TRIM46: variants seen among roughly 807,000 people sequenced by gnomAD.
TRIM46 encodes the protein tripartite motif containing 46.
In TRIM46, 17 loss-of-function variants were observed where a neutral mutation model predicts 69.7. The ratio of observed to expected loss-of-function variants is 0.24; its 90% CI spans 0.17 to 0.37. The LOEUF is 0.37. TRIM46 is among the 10% of genes least tolerant of loss of function. TRIM46 has a pLI of 1.00. For synonymous variants in TRIM46, 391 were observed against 429.0 expected (o/e 0.91, Z 1.09); for missense variants, 675 against 1,025.1 (o/e 0.66, Z 4.66).
rs779222428 is a variant in TRIM46, at chr1:155,174,585, C to T, written c.63+556C>T. On this transcript the variant is annotated intron_variant, in intron 1 of 9. Transcript: ENST00000334634. ...ACTTCCTCCCCCCCTCCTTGTTCCT[C>T]CCTCCTTTGTGTCAGCTGCGCCCCT... 3.3e-6 allele frequency: 5 copies of T among 1,524,790 alleles called. No individual in the cohort carries two copies. In the South Asian group the frequency reaches 6.1e-5, roughly 19 times the overall value. 94.5% of individuals were successfully genotyped at this position (1,524,790 alleles called of 1,614,324 possible). A position where few individuals can be genotyped will look rare whatever the true frequency, so the allele number is the denominator to read the frequency against.
chr1:155,174,102 G>A, intron 1 of TRIM46, 73 bp downstream of exon 1: 2 of 1,488,342 alleles, frequency 1.3e-6, no homozygotes, highest in South Asian at 1.2e-5. Flanking sequence ...CCTGGAACAG[G>A]TGGGGATCCA....
At position 155,181,856 on chromosome 1, in the gene TRIM46, G is replaced by T; in HGVS notation, c.1593G>T (p.Leu531=). The T allele has an allele frequency of 6.2e-7, 1 of 1,610,134 alleles. No homozygotes were observed. Among genetic ancestry groups the T allele is most frequent in the East Asian group, 2.2e-5 (1 of 44,802 alleles). ...VHLHTPPAPV[L]HFFLDSRWGA... The stretch of plus-strand genomic sequence containing the variant: ...CAACCCTCTCCCTCCTTCCAGTCCT[G>T]CACTTCTTCCTCGATAGCCGCTGGG... Residue 531 remains leucine, a synonymous_variant, in exon 9 of 10, where the codon CTG becomes CTT. Transcript: ENST00000334634. The surrounding 1 kb of genome is among the most constrained non-coding windows in gnomAD (Gnocchi z 4.3).
chr1:155,175,754 T>G lies in TRIM46; in HGVS notation c.325+107T>G. Reference sequence around the variant, plus strand: ...GGCATCTGTCTGTCTTTCTGGGGGGTGGAGATACTGCTTACGCAGGCTCTA... The same window carrying G: ...GGCATCTGTCTGTCTTTCTGGGGGGGGGAGATACTGCTTACGCAGGCTCTA... On this transcript the variant is annotated intron_variant, in intron 2 of 9. Coordinates refer to ENST00000334634, the MANE Select transcript of TRIM46 (RefSeq NM_025058.5). The surrounding 1 kb of genome is among the most constrained non-coding windows in gnomAD (Gnocchi z 4.2). 6.3e-7 allele frequency: 1 copy of G among 1,589,792 alleles called. No individual in the cohort carries two copies. Among genetic ancestry groups the G allele is most frequent in the Non-Finnish European group, 8.6e-7 (1 of 1,162,908 alleles).
chr1:155,178,360 G>A (rs1389091755), intron 6 of TRIM46, 105 bp downstream of exon 6: 6 of 1,562,332 alleles, frequency 3.8e-6, no homozygotes, highest in Non-Finnish European at 3.5e-6. Flanking sequence ...GCATTCTAAG[G>A]ATTCTCATGA....
chr1:155,174,894 G>GGAGCTGCA (rs1665509437), intron 1 of TRIM46: 4 of 1,408,390 alleles, frequency 2.8e-6, no homozygotes, highest in Non-Finnish European at 3.7e-6. Context: ...GCCGCAGGCC[G>GGAGCTGCA]GAGCTGCGGC....
chr1:155,178,354 T>C, intron 6 of TRIM46, 99 bp downstream of exon 6: 1 of 1,560,280 alleles, frequency 6.4e-7, no homozygotes, highest in African/African-American at 1.4e-5. Context: ...GAACTGGCAT[T>C]CTAAGGATTC....
At position 155,175,251 on chromosome 1, in the gene TRIM46, A is replaced by T; in HGVS notation, c.64-135A>T. 1 of 1,532,766 alleles carries T rather than the reference A, an allele frequency of 6.5e-7. No homozygotes were observed. The highest frequency in any genetic ancestry group is 8.7e-7 in the Non-Finnish European group (1 of 1,150,416). 94.9% of individuals were successfully genotyped at this position (1,532,766 alleles called of 1,614,324 possible). A position where few individuals can be genotyped will look rare whatever the true frequency, so the allele number is the denominator to read the frequency against. Reference sequence around the variant, plus strand: ...GAAGGTCTGTGAACCAGCCCAAGGCAGGTGCTCTGGAAAAGCTGCAGGTAG... The same window carrying T: ...GAAGGTCTGTGAACCAGCCCAAGGCTGGTGCTCTGGAAAAGCTGCAGGTAG... On this transcript the variant is annotated intron_variant, in intron 1 of 9. Coordinates refer to ENST00000334634, the MANE Select transcript of TRIM46 (RefSeq NM_025058.5). This position sits in a 1 kb window ranked among gnomAD's most constrained non-coding sequence, Gnocchi z 4.2.
chr1:155,180,456 G>A (rs936523011), intron 8 of TRIM46: 17 of 431,206 alleles, frequency 3.9e-5, no homozygotes, highest in Admixed American at 1.1e-4. Context: ...TTAGCCAGGC[G>A]TGGTGGTGCG....
At chr1:155,182,345 C>G (rs990311563) in intron 9 of TRIM46, 196 bp downstream of exon 9, 1 of 623,292 alleles carries the variant, frequency 1.6e-6, no homozygotes, top group African/African-American at 1.8e-5. Context: ...CTTTTGAGGA[C>G]TGATTTTCAG....
chr1:155,174,673 A>AC lies in TRIM46; in HGVS notation c.63+649dup, dbSNP rs1455089591. On this transcript the variant is annotated intron_variant, in intron 1 of 9. Coordinates refer to ENST00000334634, the MANE Select transcript of TRIM46 (RefSeq NM_025058.5). ...TGTGGGGGTGGGGCATAGCCTGAGG[A>AC]CCCCCACTCTCGCCACCAAGAGGGG... The AC allele has an allele frequency of 8.2e-6, 12 of 1,459,090 alleles. No homozygotes were observed. The African/African-American group carries it at 1.2e-4, about 14-fold the overall frequency. The allele number at this position is 1,459,090 out of a possible 1,614,324, so 90.4% of individuals were successfully genotyped here. A position where few individuals can be genotyped will look rare whatever the true frequency, so the allele number is the denominator to read the frequency against.
intron 9 of TRIM46, 166 bp downstream of exon 9, chr1:155,182,315 G>A (rs1165927715): frequency 7.9e-6 from 6 of 757,274 alleles, no homozygotes; most frequent in South Asian, 3.7e-5. Flanking sequence ...TCCAGGAGAC[G>A]CATGGGCTCA....
rs1293490885 is a variant in TRIM46 at position 155,175,370 on chromosome 1, C to T, written c.64-16C>T. 1 of 1,613,264 alleles carries T rather than the reference C, an allele frequency of 6.2e-7. No individual in the cohort carries two copies. Among genetic ancestry groups the T allele is most frequent in the African/African-American group, 1.3e-5 (1 of 74,992 alleles). ...AAGTGTCCAAGCGCTGACCTAGCCT[C>T]CTGGTCCCTCCACAGACCAGCATGA... On this transcript the variant is annotated splice_polypyrimidine_tract_variant and intron_variant, in intron 1 of 9. Coordinates refer to ENST00000334634, the MANE Select transcript of TRIM46 (RefSeq NM_025058.5). The surrounding 1 kb of genome is among the most constrained non-coding windows in gnomAD (Gnocchi z 4.2).
intron 7 of TRIM46, chr1:155,178,862 T>G: frequency 2.1e-6 from 3 of 1,419,696 alleles, no homozygotes; most frequent in East Asian, 3.2e-5. Flanking sequence ...TCAGCGGCCC[T>G]GCCCCGGGGG....
rs781014187 is a variant in TRIM46, at chr1:155,175,800, C to G, written c.326-88C>G. On this transcript the variant is annotated intron_variant, in intron 2 of 9. Coordinates refer to ENST00000334634, the MANE Select transcript of TRIM46 (RefSeq NM_025058.5). The surrounding 1 kb of genome is among the most constrained non-coding windows in gnomAD (Gnocchi z 4.2). ...CTCTAATGAGAGCTGAGCTCTGGCA[C>G]AATGAAAATCTAATTTAATTAAACA... 1 of 1,567,880 alleles carries G rather than the reference C, an allele frequency of 6.4e-7. No homozygotes were observed. Among genetic ancestry groups the G allele is most frequent in the African/African-American group, 1.4e-5 (1 of 72,710 alleles).
chr1:155,178,739 T>TTGGCCCCCCCCCCCCCCCCCCCC, intron 7 of TRIM46, 126 bp downstream of exon 7: 82 of 1,348,420 alleles, frequency 6.1e-5, no homozygotes, highest in Non-Finnish European at 7.6e-5. Context: ...CAGCCATTCC[T>TTGGCCCCCCCCCCCCCCCCCCCC]CCCACCCAGC....
intron 3 of TRIM46, 88 bp from the exon 4 acceptor site, chr1:155,176,844 G>C: frequency 6.6e-7 from 1 of 1,520,408 alleles, no homozygotes; most frequent in Admixed American, 1.7e-5. Context: ...TCTTGCCAGT[G>C]GAGGAGGGCA....
Position 155,173,924 on chromosome 1 carries a change from A to C in TRIM46, c.-43A>C. 6.4e-7 allele frequency: 1 copy of C among 1,556,482 alleles called. No homozygotes were observed. The highest frequency in any genetic ancestry group is 8.7e-7 in the Non-Finnish European group (1 of 1,150,182). The stretch of plus-strand genomic sequence containing the variant: ...CATTAAGCCCGGGGTTCGCAGCCGC[A>C]GCCGGGATCGGGCACCCAGGGGCGG... On this transcript the variant is annotated 5_prime_UTR_variant, in exon 1 of 10. Coordinates refer to ENST00000334634, the MANE Select transcript of TRIM46 (RefSeq NM_025058.5).
chr1:155,181,725 C>A lies in TRIM46; in HGVS notation c.1589-127C>A. On this transcript the variant is annotated intron_variant, in intron 8 of 9. Transcript: ENST00000334634. The surrounding 1 kb of genome is among the most constrained non-coding windows in gnomAD (Gnocchi z 4.3). Reference sequence around the variant, plus strand: ...GTTTCCCATGTCCTGTTCTCCTGAACCCCCTGCCTGTTCCTGGTGACTGAA... The same window carrying A: ...GTTTCCCATGTCCTGTTCTCCTGAAACCCCTGCCTGTTCCTGGTGACTGAA... 1 of 1,020,636 alleles carries A rather than the reference C, an allele frequency of 9.8e-7. No homozygotes were observed. The highest frequency in any genetic ancestry group is 1.4e-6 in the Non-Finnish European group (1 of 696,820). The allele number at this position is 1,020,636 out of a possible 1,614,324, so 63.2% of individuals were successfully genotyped here.
At position 155,175,400 on chromosome 1, in the gene TRIM46, C is replaced by A; in HGVS notation, c.78C>A (p.Asn26Lys). 6.2e-7 allele frequency: 1 copy of A among 1,614,030 alleles called. No homozygotes were observed. Among genetic ancestry groups the A allele is most frequent in the Non-Finnish European group, 8.5e-7 (1 of 1,179,946 alleles). ...ALVRISTSMKNMEKELLCPVC... is the reference protein window; with the variant it reads ...ALVRISTSMKKMEKELLCPVC... ...TCCCTCCACAGACCAGCATGAAGAA[C>A]ATGGAGAAGGAACTGCTGTGCCCAG... The change falls in exon 2 of 10, where the codon AAC becomes AAA. Residue 26 changes from asparagine (N) to lysine (K), a missense_variant. Physicochemically the swap from Asn to Lys is moderately conservative, Grantham distance 94. Coordinates refer to ENST00000334634, the MANE Select transcript of TRIM46 (RefSeq NM_025058.5). The surrounding 1 kb of genome is among the most constrained non-coding windows in gnomAD (Gnocchi z 4.2).
Sources: allele counts gnomAD v4.1 joint callset, GRCh38; gene constraint gnomAD v4.1.1; non-coding constraint Gnocchi (gnomAD v3.1); transcripts MANE v1.5; gene names NCBI Gene and HGNC (gene_info 2026-07-23, HGNC 2026-07-21).